USH2A: variants seen among roughly 807,000 people sequenced by gnomAD.
USH2A encodes the protein usherin.
Under a neutral mutation model 538.9 loss-of-function variants are expected in USH2A, and 443 were observed. The ratio of observed to expected loss-of-function variants is 0.82; its 90% CI spans 0.76 to 0.89. The LOEUF (loss-of-function observed/expected upper bound fraction) is 0.89. USH2A is among the 40% of genes least tolerant of loss of function. The pLI is 0.00. For missense variants in USH2A, 6,633 were observed against 6,324.8 expected (o/e 1.05, Z -1.65); for synonymous variants, 2,413 against 2,273.5 (o/e 1.06, Z -1.75).
Position 215,650,704 on chromosome 1 carries a change from T to C in USH2A, c.14231A>G (p.His4744Arg), listed in dbSNP as rs1020335802. The C allele has an allele frequency of 1.2e-6, 2 of 1,613,958 alleles. No individual in the cohort carries two copies. The highest frequency in any genetic ancestry group is 2.2e-5 in the South Asian group (2 of 91,072). Reference sequence around the variant, plus strand: ...CACTGCTTGGGTAGAAGAGATCACATGGAACGTGGGGGCTCTGAGACCTTC... The same window carrying C: ...CACTGCTTGGGTAGAAGAGATCACACGGAACGTGGGGGCTCTGAGACCTTC... Reference protein sequence around the residue: ...PPEGLRAPTFHVISSTQAVVN... With the variant: ...PPEGLRAPTFRVISSTQAVVN... Residue 4744 changes from histidine (H) to arginine (R), a missense_variant, in exon 65 of 72, where the codon CAT becomes CGT. By Grantham distance (29) the His-to-Arg change is conservative. Transcript: ENST00000307340.
Position 216,422,337 on chromosome 1 carries a change from GT to G in USH2A, c.-2del. 3 of 1,613,600 alleles carry G rather than the reference GT, an allele frequency of 1.9e-6. No homozygotes were observed. Among genetic ancestry groups the G allele is most frequent in the Non-Finnish European group, 2.5e-6 (3 of 1,179,788 alleles). ...CCAATGAAAGAACTGGGCAATTCAT[GT>G]TTACAAAAAAGCATTCTCCTCCTGA... On this transcript the variant is annotated 5_prime_UTR_variant, in exon 2 of 72. Coordinates refer to ENST00000307340, the MANE Select transcript of USH2A (RefSeq NM_206933.4).
chr1:216,097,054 A>T (rs2032457276), intron 22 of USH2A, 29 bp downstream of exon 22: 1 of 1,598,350 alleles, frequency 6.3e-7, no homozygotes, highest in Admixed American at 1.7e-5. Context: ...AATTCTTAAA[A>T]ATATTAAAGT....
intron 60 of USH2A, among the ~76,000 whole-genome samples, chr1:215,732,544 C>CTTTTTTTTTTTTTTT (rs141549439): frequency 3.5e-4 from 26 of 73,556 alleles, no homozygotes; most frequent in African/African-American, 1.2e-3. Flanking sequence ...TTTTTTCTTT[C>CTTTTTTTTTTTTTTT]TTTTTTTTTT....
chr1:215,625,936 A>G, intron 71 of USH2A, 66 bp from the exon 72 acceptor site: 2 of 1,460,468 alleles, frequency 1.4e-6, no homozygotes, highest in Non-Finnish European at 1.9e-6. Context: ...ATCAATTTAT[A>G]GTTATATCAA....
chr1:215,769,641 A>T (rs1478163140), intron 55 of USH2A, among the ~76,000 whole-genome samples: 3 of 152,042 alleles, frequency 2.0e-5, no homozygotes, highest in Non-Finnish European at 4.4e-5. Flanking sequence ...ATTAGATGGG[A>T]TAGGTTCACC....
At position 215,888,589 on chromosome 1, in the gene USH2A, G is replaced by C; in HGVS notation, c.8060C>G (p.Thr2687Ser). The change falls in exon 41 of 72, where the codon ACT (threonine) becomes AGT (serine). Residue 2687 changes from threonine to serine, a missense_variant. Physicochemically the swap from Thr to Ser is moderately conservative, Grantham distance 58. Coordinates refer to ENST00000307340, the MANE Select transcript of USH2A (RefSeq NM_206933.4). ...RSHSMRFIDK[T>S]SALSPWTKYE... The stretch of plus-strand genomic sequence containing the variant: ...TTTTGTCCATGGGCTAAGAGCAGAA[G>C]TCTTGTCAATAAACCTCATGGAATG... 6.2e-7 allele frequency: 1 copy of C among 1,614,190 alleles called. No homozygotes were observed. Among genetic ancestry groups the C allele is most frequent in the Non-Finnish European group, 8.5e-7 (1 of 1,180,020 alleles).
At chr1:215,776,369 T>C (rs950626155) in intron 55 of USH2A, among the ~76,000 whole-genome samples, 1 of 152,214 alleles carries the variant, frequency 6.6e-6, no homozygotes, top group African/African-American at 2.4e-5. Context: ...TGTCTTCAAT[T>C]ACTTAATGCT....
rs149306655 is a variant in USH2A, at chr1:215,846,023, G to A, written c.8856C>T (p.Asp2952=). Residue 2952 remains aspartate (D), a synonymous_variant, in exon 45 of 72, where the codon GAC becomes GAT. Transcript: ENST00000307340. ...TGTAATATTCAACTTCACCTTGTAG[G>A]TCTTGAACAGCTGTCAACAATAAAT... The part of the protein sequence containing the change: ...DVRWAKPTVQ[D]LQGEVEYYTL... The A allele has an allele frequency of 2.0e-5, 33 of 1,613,500 alleles. No individual in the cohort carries two copies. Among genetic ancestry groups the A allele is most frequent in the East Asian group, 4.5e-5 (2 of 44,866 alleles).
At position 215,766,799 on chromosome 1, in the gene USH2A, C is replaced by G. The variant is rs753961299; in HGVS notation, c.10940-11G>C. ...TGTATGGCTGGAGACCTAGAAAAAG[C>G]AAGCAAGAAATAAAGTGCACCTTAA... On this transcript the variant is annotated splice_polypyrimidine_tract_variant and intron_variant, in intron 55 of 71. Transcript: ENST00000307340. 3.3e-5 allele frequency: 53 copies of G among 1,609,814 alleles called. No individual in the cohort carries two copies. Among genetic ancestry groups the G allele is most frequent in the Non-Finnish European group, 4.2e-5 (49 of 1,176,408 alleles).
At chr1:216,003,921 G>A (rs187860916) in intron 32 of USH2A, among the ~76,000 whole-genome samples, 2 of 152,144 alleles carry the variant, frequency 1.3e-5, no homozygotes, top group Non-Finnish European at 1.5e-5. Flanking sequence ...AGTAAGTGGG[G>A]GCCAGTAATA....
intron 60 of USH2A, among the ~76,000 whole-genome samples, chr1:215,734,223 A>G (rs1183211220): frequency 1.3e-5 from 2 of 152,158 alleles, no homozygotes; most frequent in African/African-American, 4.8e-5. Flanking sequence ...CGCCCCCTGA[A>G]GCACCTACCT....
chr1:215,879,238 G>A, intron 41 of USH2A, 140 bp from the exon 42 acceptor site: 1 of 731,308 alleles, frequency 1.4e-6, no homozygotes, highest in East Asian at 2.6e-5. Flanking sequence ...CTTTGGACTA[G>A]ACAGTAATGA....
At chr1:215,990,760 C>CTTTT (rs35293238) in intron 35 of USH2A, among the ~76,000 whole-genome samples, 16 of 114,568 alleles carry the variant, frequency 1.4e-4, no homozygotes, top group East Asian at 2.6e-4. Flanking sequence ...CTTAATTTTC[C>CTTTT]TTTTTTTTTT....
chr1:216,083,534 A>G lies in USH2A; in HGVS notation c.5220T>C (p.Ile1740=). ...ATTGGTCAGTTCTGAACTTAAAGGA[A>G]ATCTCAAAGTTCATTCCACCATGAA... is the stretch of plus-strand genomic sequence containing the variant. The part of the protein sequence containing the change: ...YMFHGGMNFE[I]SFKFRTDQLN... Residue 1740 remains isoleucine (I), a synonymous_variant, in exon 26 of 72, where the codon ATT becomes ATC. Transcript: ENST00000307340. The G allele has an allele frequency of 6.2e-7, 1 of 1,612,362 alleles. No homozygotes were observed. Among genetic ancestry groups the G allele is most frequent in the Non-Finnish European group, 8.5e-7 (1 of 1,179,060 alleles).
At chr1:215,906,692 T>C (rs1261995845) in intron 38 of USH2A, among the ~76,000 whole-genome samples, 1 of 152,068 alleles carries the variant, frequency 6.6e-6, no homozygotes, top group African/African-American at 2.4e-5. Context: ...ATTCCCATCA[T>C]TCCACAAGGT....
intron 4 of USH2A, among the ~76,000 whole-genome samples, chr1:216,361,518 A>G (rs1219425405): frequency 2.0e-5 from 3 of 152,180 alleles, no homozygotes; most frequent in African/African-American, 7.2e-5. Context: ...CAAAGAACTC[A>G]TATTCAAAAT....
At chr1:215,960,610 A>T (rs1667174803) in intron 37 of USH2A, among the ~76,000 whole-genome samples, 1 of 152,108 alleles carries the variant, frequency 6.6e-6, no homozygotes, top group Non-Finnish European at 1.5e-5. Flanking sequence ...TATGTTCCTC[A>T]TAATTGAATA....
intron 60 of USH2A, among the ~76,000 whole-genome samples, chr1:215,739,897 G>A (rs1366541034): frequency 3.3e-5 from 5 of 152,190 alleles, no homozygotes; most frequent in Admixed American, 3.3e-4. Flanking sequence ...CCAAATAAGG[G>A]AAGGCCTGAG....
intron 3 of USH2A, among the ~76,000 whole-genome samples, chr1:216,411,015 C>T (rs1034773101): frequency 3.9e-5 from 6 of 152,146 alleles, no homozygotes; most frequent in Middle Eastern, 3.4e-3. Flanking sequence ...GCATATCATA[C>T]GTTTTCCTTC....
Sources: allele counts gnomAD v4.1 joint callset (sites outside exome capture counted in the v4.1 genomes callset), GRCh38; gene constraint gnomAD v4.1.1; transcripts MANE v1.5; gene names NCBI Gene and HGNC (gene_info 2026-07-23, HGNC 2026-07-21).